MAN2A1: variants seen among roughly 807,000 people sequenced by gnomAD.
The protein encoded by MAN2A1 is alpha-mannosidase 2.
A neutral mutation model predicts 142.6 loss-of-function variants in MAN2A1; 76 were observed. The observed-to-expected ratio is 0.53, with a 90% confidence interval of 0.44 to 0.65. MAN2A1 has a LOEUF of 0.65. MAN2A1 is among the 30% of genes least tolerant of loss of function. The pLI, the probability that MAN2A1 is intolerant of heterozygous loss-of-function variation, is 0.00. For missense variants in MAN2A1, 1,311 were observed against 1,365.1 expected (o/e 0.96, Z 0.62); for synonymous variants, 559 against 473.2 (o/e 1.18, Z -2.35).
chr5:109,783,710 A>G (rs924961806), intron 9 of MAN2A1, among the ~76,000 whole-genome samples: 16 of 136,748 alleles, frequency 1.2e-4, no homozygotes, highest in Admixed American at 9.1e-4. Flanking sequence ...ACCTTCTTAT[A>G]CTTTTTACTT....
chr5:109,780,751 A>G (rs1441349160), intron 8 of MAN2A1, among the ~76,000 whole-genome samples: 1 of 152,170 alleles, frequency 6.6e-6, no homozygotes, highest in Non-Finnish European at 1.5e-5. Flanking sequence ...ATCATTAGTC[A>G]GAAAGACCGG....
At chr5:109,756,387 TGTA>T (rs199863751) in intron 5 of MAN2A1, among the ~76,000 whole-genome samples, 6,336 of 152,294 alleles carry the variant, frequency 0.042, 163 homozygotes, top group Middle Eastern at 0.075. Context: ...AGTATAATAA[TGTA>T]GTTTTTTATG....
At chr5:109,736,856 A>C (rs1752114877) in intron 4 of MAN2A1, among the ~76,000 whole-genome samples, 1 of 152,100 alleles carries the variant, frequency 6.6e-6, no homozygotes, top group African/African-American at 2.4e-5. Context: ...TCCACTTAAT[A>C]AGTTCATCTG....
intron 1 of MAN2A1, among the ~76,000 whole-genome samples, chr5:109,691,918 C>T (rs1056537678): frequency 2.6e-5 from 4 of 152,136 alleles, no homozygotes; most frequent in Admixed American, 1.3e-4. Flanking sequence ...GAGTTTTAAG[C>T]TTAGCTTGAT....
intron 3 of MAN2A1, among the ~76,000 whole-genome samples, chr5:109,717,091 G>A (rs1751477480): frequency 6.6e-6 from 1 of 151,960 alleles, no homozygotes; most frequent in African/African-American, 2.4e-5. Flanking sequence ...ATTGGAGAGG[G>A]GGGTGTATTT....
chr5:109,696,184 T>A (rs1248262980), intron 1 of MAN2A1, among the ~76,000 whole-genome samples: 1 of 151,998 alleles, frequency 6.6e-6, no homozygotes. Flanking sequence ...CACTGCAATC[T>A]CCACCTCCCG....
chr5:109,841,541 A>G (rs1755207083), intron 16 of MAN2A1, among the ~76,000 whole-genome samples: 1 of 152,136 alleles, frequency 6.6e-6, no homozygotes. Flanking sequence ...TTCTCTATCT[A>G]TGAAATTGAC....
In MAN2A1 at chr5:109,791,147, A is replaced by G. The variant is rs1462727257; in HGVS notation, c.1943+1620A>G. Among the ~76,000 whole-genome samples the G allele has an allele frequency of 3.9e-5, 6 of 152,078 alleles. No homozygotes were observed. The East Asian group carries it at 5.8e-4, about 15-fold the overall frequency. Reference sequence around the variant, plus strand: ...TTTAAATAGTTTTTATTTAAATAGTATAGGGTTTATCTTCCTATTACTTCT... The same window carrying G: ...TTTAAATAGTTTTTATTTAAATAGTGTAGGGTTTATCTTCCTATTACTTCT... On this transcript the variant is annotated intron_variant, in intron 12 of 21. Transcript: ENST00000261483.
At chr5:109,793,786 G>A (rs1326815082) in intron 12 of MAN2A1, among the ~76,000 whole-genome samples, 1 of 152,104 alleles carries the variant, frequency 6.6e-6, no homozygotes, top group Non-Finnish European at 1.5e-5. Context: ...CAGAATGGAT[G>A]GATATAAAAG....
At chr5:109,770,295 A>T in intron 6 of MAN2A1, 60 bp from the exon 7 acceptor site, 1 of 1,466,448 alleles carries the variant, frequency 6.8e-7, no homozygotes. Context: ...GACATTTTGA[A>T]TATTTTTTGG....
intron 20 of MAN2A1, among the ~76,000 whole-genome samples, chr5:109,857,033 G>A (rs937454862): frequency 6.6e-6 from 1 of 152,180 alleles, no homozygotes; most frequent in African/African-American, 2.4e-5. Flanking sequence ...TTTGATTAAG[G>A]TGTGTAGAGA....
At position 109,781,585 on chromosome 5, in the gene MAN2A1, G is replaced by A. The variant is rs1456914924; in HGVS notation, c.1564G>A (p.Glu522Lys). Residue 522 changes from glutamate to lysine, a missense_variant, in exon 9 of 22, where the codon GAA (glutamate) becomes AAA (lysine). Physicochemically the swap from Glu to Lys is moderately conservative, Grantham distance 56. Transcript: ENST00000261483. Reference protein sequence around the residue: ...PFYKRMDRIMESHLRAAEILY... With the variant: ...PFYKRMDRIMKSHLRAAEILY... ...TTACAAACGAATGGACAGAATCATGGAATCTCATTTAAGGTACTTTTACCT... is the reference window on the plus strand; with the variant it reads ...TTACAAACGAATGGACAGAATCATGAAATCTCATTTAAGGTACTTTTACCT... The A allele has an allele frequency of 6.3e-7, 1 of 1,597,396 alleles. No homozygotes were observed.
At chr5:109,716,346 C>G (rs772209356) in intron 3 of MAN2A1, 82 bp downstream of exon 3, 66 of 1,131,024 alleles carry the variant, frequency 5.8e-5, no homozygotes, top group Non-Finnish European at 8.3e-5. Context: ...TGGTAGAGGC[C>G]ACTTCTCAAA....
At chr5:109,699,077 G>A (rs914120309) in intron 1 of MAN2A1, among the ~76,000 whole-genome samples, 1 of 152,022 alleles carries the variant, frequency 6.6e-6, no homozygotes, top group African/African-American at 2.4e-5. Context: ...TTCAATTTCT[G>A]TTTGATATAC....
chr5:109,819,228 G>A (rs1264733958), intron 13 of MAN2A1, among the ~76,000 whole-genome samples: 1 of 152,172 alleles, frequency 6.6e-6, no homozygotes, highest in Non-Finnish European at 1.5e-5. Flanking sequence ...TACATGAAAG[G>A]TAGACTAGGC....
intron 7 of MAN2A1, 131 bp downstream of exon 7, chr5:109,770,672 G>A: frequency 1.3e-6 from 1 of 799,642 alleles, no homozygotes; most frequent in Non-Finnish European, 1.9e-6. Flanking sequence ...ATTCAAACCA[G>A]ATCTAAAGCA....
At chr5:109,815,648 TTTC>T (rs1408926335) in intron 12 of MAN2A1, among the ~76,000 whole-genome samples, 3 of 152,244 alleles carry the variant, frequency 2.0e-5, no homozygotes, top group Non-Finnish European at 4.4e-5. Context: ...CCTCTTTCTT[TTTC>T]TTCATTTTTC....
intron 19 of MAN2A1, among the ~76,000 whole-genome samples, chr5:109,853,234 G>C (rs1353785577): frequency 2.0e-5 from 3 of 152,134 alleles, no homozygotes; most frequent in Non-Finnish European, 4.4e-5. Context: ...TGTCTGGGGT[G>C]GCACTTCCCG....
intron 1 of MAN2A1, among the ~76,000 whole-genome samples, chr5:109,703,382 A>G (rs1321349727): frequency 6.6e-6 from 1 of 152,214 alleles, no homozygotes; most frequent in African/African-American, 2.4e-5. Context: ...TCAAACATGT[A>G]AGACAGATTA....
Sources: gnomAD v4.1 joint callset for allele counts (sites outside exome capture counted in the v4.1 genomes callset) on GRCh38, gnomAD v4.1.1 for gene constraint, MANE v1.5 for transcripts, NCBI Gene and HGNC (gene_info 2026-07-23, HGNC 2026-07-21) for gene names.